CNTNAP5: variants seen among roughly 807,000 people sequenced by gnomAD.
CNTNAP5 encodes the protein contactin associated protein family member 5, also known as contactin-associated protein-like 5.
Under a neutral mutation model 150.2 loss-of-function variants are expected in CNTNAP5, and 72 were observed. The ratio of observed to expected loss-of-function variants is 0.48; its 90% CI spans 0.40 to 0.58. The LOEUF is 0.58. CNTNAP5 is among the 20% of genes least tolerant of loss of function. The probability of loss-of-function intolerance (pLI) is 0.00; values close to 1 mark genes in which losing one functional copy is unlikely to be tolerated. For missense variants in CNTNAP5, 1,636 were observed against 1,626.2 expected, an observed-to-expected ratio of 1.01 and a Z score of -0.10; for synonymous variants, 672 against 619.8, an observed-to-expected ratio of 1.08 and a Z score of -1.25.
chr2:124,905,129 T>G (rs902236437), intron 22 of CNTNAP5, among the ~76,000 whole-genome samples: 4 of 147,522 alleles, frequency 2.7e-5, no homozygotes, highest in Non-Finnish European at 6.0e-5. Flanking sequence ...TTTTTTTGTT[T>G]TTTTTTTTTT....
chr2:124,892,792 A>G (rs1678220756), intron 21 of CNTNAP5, among the ~76,000 whole-genome samples: 1 of 152,172 alleles, frequency 6.6e-6, no homozygotes, highest in Non-Finnish European at 1.5e-5. Context: ...CGGGCTGCAA[A>G]ACACACTAGT....
rs182140744 is a variant in CNTNAP5 at position 124,310,514 on chromosome 2, C to T, written c.381+68121C>T. Among the ~76,000 whole-genome samples the T allele has an allele frequency of 3.5e-4, 53 of 152,260 alleles. 1 individual carries two copies. In the East Asian group the frequency reaches 9.8e-3, roughly 28 times the overall value. On this transcript the variant is annotated intron_variant, in intron 3 of 23. Transcript: ENST00000682447. ...TAATTTCCTTCCTTCCTCTAATGCCCCCTTTCCCGTGCCCAAGCCCTCCCT... is the reference window on the plus strand; with the variant it reads ...TAATTTCCTTCCTTCCTCTAATGCCTCCTTTCCCGTGCCCAAGCCCTCCCT...
intron 3 of CNTNAP5, among the ~76,000 whole-genome samples, chr2:124,416,457 A>G (rs1423533785): frequency 6.6e-6 from 1 of 151,764 alleles, no homozygotes; most frequent in African/African-American, 2.4e-5. Flanking sequence ...GTACAATATT[A>G]GTAGACCACA....
chr2:124,448,852 T>C (rs895914606), intron 6 of CNTNAP5, among the ~76,000 whole-genome samples: 5 of 152,236 alleles, frequency 3.3e-5, no homozygotes, highest in Admixed American at 2.6e-4. Context: ...TATTTTATCA[T>C]TATTCATAAA....
intron 4 of CNTNAP5, 67 bp downstream of exon 4, chr2:124,417,657 T>C (rs1163923318): frequency 7.1e-7 from 1 of 1,411,670 alleles, no homozygotes; most frequent in Non-Finnish European, 9.8e-7. Flanking sequence ...AACATCAGTT[T>C]ATCTACATTG....
chr2:124,655,701 C>G (rs1157343268), intron 13 of CNTNAP5, among the ~76,000 whole-genome samples: 1 of 151,686 alleles, frequency 6.6e-6, no homozygotes, highest in Admixed American at 6.6e-5. Context: ...AGTTGGAGAT[C>G]AGCTTGGGCA....
intron 8 of CNTNAP5, among the ~76,000 whole-genome samples, chr2:124,520,817 A>C (rs796544979): frequency 3.9e-5 from 6 of 152,134 alleles, no homozygotes; most frequent in African/African-American, 1.4e-4. Context: ...CATTTATCTC[A>C]AGGAAGTTTG....
chr2:124,204,771 C>T (rs958330164), intron 1 of CNTNAP5, among the ~76,000 whole-genome samples: 1 of 151,982 alleles, frequency 6.6e-6, no homozygotes, highest in African/African-American at 2.4e-5. Flanking sequence ...AGGAAAATCC[C>T]ACCCCCACCA....
intron 10 of CNTNAP5, among the ~76,000 whole-genome samples, chr2:124,539,264 A>G (rs1341263606): frequency 6.6e-6 from 1 of 152,226 alleles, no homozygotes; most frequent in Non-Finnish European, 1.5e-5. Context: ...AGTTCATAGA[A>G]TTCCAATTAG....
chr2:124,433,388 A>G (rs1692440475), intron 4 of CNTNAP5, among the ~76,000 whole-genome samples: 1 of 152,268 alleles, frequency 6.6e-6, no homozygotes, highest in African/African-American at 2.4e-5. Flanking sequence ...CTAATTACAG[A>G]AAAGTATTAT....
chr2:124,836,853 C>A (rs1174930212), intron 19 of CNTNAP5, among the ~76,000 whole-genome samples: 5 of 152,120 alleles, frequency 3.3e-5, no homozygotes, highest in Non-Finnish European at 5.9e-5. Flanking sequence ...GTTTGTATTG[C>A]AGCTTCCCCC....
At chr2:124,545,056 A>G (rs1427682799) in intron 10 of CNTNAP5, among the ~76,000 whole-genome samples, 2 of 152,226 alleles carry the variant, frequency 1.3e-5, no homozygotes, top group Non-Finnish European at 2.9e-5. Context: ...CAAGTTTACT[A>G]TATCAAGTGT....
intron 22 of CNTNAP5, among the ~76,000 whole-genome samples, chr2:124,907,901 G>C (rs1678571550): frequency 6.6e-6 from 1 of 150,800 alleles, no homozygotes; most frequent in East Asian, 2.0e-4. Context: ...ATATTAGTTA[G>C]AATTAACAAG....
At chr2:124,249,166 C>A (rs56931325) in intron 3 of CNTNAP5, among the ~76,000 whole-genome samples, 1,724 of 152,070 alleles carry the variant, frequency 0.011, 30 homozygotes, top group African/African-American at 0.033. Context: ...TTTATTTGAC[C>A]CTGTATATCA....
intron 12 of CNTNAP5, among the ~76,000 whole-genome samples, chr2:124,610,192 G>A (rs1677349983): frequency 6.6e-6 from 1 of 152,232 alleles, no homozygotes; most frequent in South Asian, 2.1e-4. Flanking sequence ...GCCTCCAAGG[G>A]CATTTTCTCT....
chr2:124,670,907 A>G (rs746143002), intron 13 of CNTNAP5, among the ~76,000 whole-genome samples: 2 of 151,984 alleles, frequency 1.3e-5, no homozygotes, highest in Non-Finnish European at 2.9e-5. Context: ...TTTTCATATG[A>G]TATAATTTAC....
At chr2:124,871,541 A>G (rs1677748405) in intron 21 of CNTNAP5, among the ~76,000 whole-genome samples, 1 of 152,022 alleles carries the variant, frequency 6.6e-6, no homozygotes, top group African/African-American at 2.4e-5. Flanking sequence ...GATATCAGAA[A>G]TGCTAAAAGC....
chr2:124,497,217 G>A (rs906753656), intron 7 of CNTNAP5, among the ~76,000 whole-genome samples: 4 of 152,154 alleles, frequency 2.6e-5, no homozygotes, highest in African/African-American at 9.7e-5. Flanking sequence ...GTCACTAATA[G>A]TAAACAGTAA....
chr2:124,236,646 A>T (rs1209047897), intron 2 of CNTNAP5, among the ~76,000 whole-genome samples: 1 of 152,232 alleles, frequency 6.6e-6, no homozygotes, highest in Non-Finnish European at 1.5e-5. Flanking sequence ...TTACAGAGGC[A>T]TCGACCATTT....
Sources: allele counts gnomAD v4.1 joint callset (sites outside exome capture counted in the v4.1 genomes callset), GRCh38; gene constraint gnomAD v4.1.1; transcripts MANE v1.5; gene names NCBI Gene and HGNC (gene_info 2026-07-23, HGNC 2026-07-21).